CCNY: variants seen among roughly 807,000 people sequenced by gnomAD.
CCNY encodes cyclin Y.
Under a neutral mutation model 42.8 loss-of-function variants are expected in CCNY, and 19 were observed. That is an observed-to-expected ratio of 0.44 (90% confidence interval 0.31 to 0.65). The LOEUF (loss-of-function observed/expected upper bound fraction) is 0.65. Among genes scored for constraint, CCNY ranks in the 30% least tolerant of loss-of-function variants. The pLI is 0.07. For synonymous variants in CCNY, 165 were observed against 162.7 expected (o/e 1.01, Z -0.11); for missense variants, 370 against 437.3 (o/e 0.85, Z 1.37).
At chr10:35,348,396 C>T (rs973925302) in intron 1 of CCNY, among the ~76,000 whole-genome samples, 12 of 152,214 alleles carry the variant, frequency 7.9e-5, no homozygotes, top group Non-Finnish European at 1.3e-4. Flanking sequence ...GGCTGCTTTG[C>T]GAACCACTGG....
At chr10:35,519,943 A>T (rs1458870918) in intron 4 of CCNY, among the ~76,000 whole-genome samples, 1 of 151,914 alleles carries the variant, frequency 6.6e-6, no homozygotes, top group East Asian at 1.9e-4. Flanking sequence ...ATGGCCAGCT[A>T]ATTTTTGCAT....
At chr10:35,402,536 G>A (rs1021098034) in intron 1 of CCNY, among the ~76,000 whole-genome samples, 1 of 152,038 alleles carries the variant, frequency 6.6e-6, no homozygotes, top group African/African-American at 2.4e-5. Context: ...TCTTTTTTTA[G>A]CAGTGAGTAA....
chr10:35,419,943 TA>T (rs1410398331), intron 1 of CCNY, among the ~76,000 whole-genome samples: 1 of 148,510 alleles, frequency 6.7e-6, no homozygotes, highest in African/African-American at 2.6e-5. Context: ...TTTTTTTTTT[TA>T]GTACAGTTCA....
chr10:35,299,293 G>A (rs1057047988), intron 3 of CCNY, among the ~76,000 whole-genome samples: 22 of 152,222 alleles, frequency 1.4e-4, no homozygotes, highest in African/African-American at 5.3e-4. Context: ...TTAGTTGATA[G>A]TGCTGTTCAA....
intron 3 of CCNY, among the ~76,000 whole-genome samples, chr10:35,253,829 T>C (rs12249814): frequency 0.36 from 55,004 of 150,982 alleles, 10,459 homozygotes; most frequent in African/African-American, 0.47. Flanking sequence ...GTTTTAAAAT[T>C]GGCTATTGAT....
At chr10:35,469,683 A>G (rs1360645232) in intron 1 of CCNY, among the ~76,000 whole-genome samples, 1 of 150,942 alleles carries the variant, frequency 6.6e-6, no homozygotes, top group Non-Finnish European at 1.5e-5. Flanking sequence ...ATGGAGAGAC[A>G]GGGAGAAGAC....
intron 1 of CCNY, among the ~76,000 whole-genome samples, chr10:35,447,310 C>T (rs1838814313): frequency 6.6e-6 from 1 of 152,190 alleles, no homozygotes. Flanking sequence ...CTAGAAAAAC[C>T]ATAGTTTAAC....
chr10:35,493,154 A>G (rs1324450374), intron 2 of CCNY, among the ~76,000 whole-genome samples: 1 of 152,190 alleles, frequency 6.6e-6, no homozygotes, highest in African/African-American at 2.4e-5. Flanking sequence ...GATATAGTAC[A>G]AACTCAGATG....
In CCNY at chr10:35,546,505, A is replaced by G. The variant is rs535060214; in HGVS notation, c.580-6514A>G. Among the ~76,000 whole-genome samples, 4 of 152,378 alleles carry G rather than the reference A, an allele frequency of 2.6e-5. No homozygotes were observed. The East Asian group carries it at 7.7e-4, about 29-fold the overall frequency. On this transcript the variant is annotated intron_variant, in intron 7 of 9. Coordinates refer to ENST00000374704, the MANE Select transcript of CCNY (RefSeq NM_145012.6). The stretch of plus-strand genomic sequence containing the variant: ...TGGTCGTGGGATATTGTTTAGAAAA[A>G]TCAACCGTGTATTATTTTACTTGGC...
chr10:35,476,350 C>T (rs951639699), intron 1 of CCNY, among the ~76,000 whole-genome samples: 12 of 152,004 alleles, frequency 7.9e-5, no homozygotes, highest in Admixed American at 7.2e-4. Context: ...CAGCACCACA[C>T]CACACCTATT....
At chr10:35,321,291 A>T (rs1835818972) in intron 3 of CCNY, among the ~76,000 whole-genome samples, 3 of 152,082 alleles carry the variant, frequency 2.0e-5, no homozygotes, top group Non-Finnish European at 4.4e-5. Flanking sequence ...ATAAATGGAG[A>T]TATACTATGT....
chr10:35,276,442 A>G (rs923602362), intron 3 of CCNY, among the ~76,000 whole-genome samples: 4 of 152,100 alleles, frequency 2.6e-5, no homozygotes, highest in Non-Finnish European at 5.9e-5. Flanking sequence ...CTGGAGTGCA[A>G]TGGCATAATC....
chr10:35,288,840 T>C (rs1835382308), intron 3 of CCNY, among the ~76,000 whole-genome samples: 1 of 152,236 alleles, frequency 6.6e-6, no homozygotes, highest in Non-Finnish European at 1.5e-5. Flanking sequence ...CCTCACTGCC[T>C]TGACTATTGT....
chr10:35,424,767 G>A (rs1004490443), intron 1 of CCNY, among the ~76,000 whole-genome samples: 1 of 152,164 alleles, frequency 6.6e-6, no homozygotes, highest in Non-Finnish European at 1.5e-5. Flanking sequence ...CTGGCCAGGC[G>A]CATAAAGATA....
chr10:35,529,871 CAA>C (rs78722884), intron 5 of CCNY, 100 bp from the exon 6 acceptor site: 16,892 of 924,220 alleles, frequency 0.018, no homozygotes, highest in Non-Finnish European at 0.019. Context: ...CTCCGTATCC[CAA>C]AAAAAAAAAA....
rs1423341088 is a variant in CCNY, at chr10:35,570,118, CCT to C, written c.*952_*953del. The C allele has an allele frequency of 1.3e-5, 2 of 152,696 alleles. No individual in the cohort carries two copies. Among genetic ancestry groups the C allele is most frequent in the Non-Finnish European group, 2.9e-5 (2 of 68,036 alleles). 9.5% of individuals were successfully genotyped at this position (152,696 alleles called of 1,614,324 possible). On this transcript the variant is annotated 3_prime_UTR_variant, in exon 10 of 10. Transcript: ENST00000374704. ...TCTTTGTACCCCTGCCTAATCCATT[CCT>C]CTCCTTCCAAGTCCATTGTTGCAAG...
intron 2 of CCNY, among the ~76,000 whole-genome samples, chr10:35,483,781 A>G (rs1839724957): frequency 6.6e-6 from 1 of 152,206 alleles, no homozygotes; most frequent in South Asian, 2.1e-4. Flanking sequence ...TGATATTTGC[A>G]TAATTTCTCA....
chr10:35,458,791 T>C (rs541323827), intron 1 of CCNY, among the ~76,000 whole-genome samples: 1 of 152,356 alleles, frequency 6.6e-6, no homozygotes, highest in Admixed American at 6.5e-5. Flanking sequence ...CATGCGTTTT[T>C]ATCACAGGTC....
At chr10:35,401,568 AT>A (rs540638740) in intron 1 of CCNY, among the ~76,000 whole-genome samples, 360 of 137,424 alleles carry the variant, frequency 2.6e-3, no homozygotes, top group Middle Eastern at 7.5e-3. Flanking sequence ...CTCCCTCTGA[AT>A]TTTTTTTTTT....
Sources: gnomAD v4.1 joint callset for allele counts (sites outside exome capture counted in the v4.1 genomes callset) on GRCh38, gnomAD v4.1.1 for gene constraint, MANE v1.5 for transcripts, NCBI Gene and HGNC (gene_info 2026-07-23, HGNC 2026-07-21) for gene names.